The following ATOSA variants were observed in gnomAD, a reference collection of about 807,000 sequenced individuals.
The protein encoded by ATOSA is atos homolog protein A.
the ATOSA span, among the ~76,000 whole-genome samples, chr15:52,620,675 G>A: frequency 6.6e-6 from 1 of 152,308 alleles, no homozygotes; most frequent in East Asian, 1.9e-4. Context: ...CCAGCCAGGT[G>A]CAGTGGCTTA....
the ATOSA span, among the ~76,000 whole-genome samples, chr15:52,631,299 T>C: frequency 3.3e-5 from 5 of 152,178 alleles, no homozygotes; most frequent in Admixed American, 2.6e-4. Flanking sequence ...TGGTACTAGT[T>C]AGTGAAAAAT....
the ATOSA span, among the ~76,000 whole-genome samples, chr15:52,625,715 G>A: frequency 3.0e-4 from 45 of 152,080 alleles, no homozygotes; most frequent in African/African-American, 1.1e-3. Flanking sequence ...AAAAAGTTAC[G>A]TTTTTATAGT....
chr15:52,596,212 A>T, the ATOSA span, among the ~76,000 whole-genome samples: 2 of 152,202 alleles, frequency 1.3e-5, no homozygotes, highest in African/African-American at 4.8e-5. Flanking sequence ...AATTTCAGGG[A>T]TTGAAAGACT....
chr15:52,641,127 G>A, the ATOSA span, among the ~76,000 whole-genome samples: 1 of 152,192 alleles, frequency 6.6e-6, no homozygotes, highest in Non-Finnish European at 1.5e-5. Flanking sequence ...TATAAGAACT[G>A]CATTCGTAAC....
the ATOSA span, chr15:52,658,433 A>T: frequency 3.8e-6 from 1 of 262,852 alleles, no homozygotes. Flanking sequence ...TTCAGTTTAT[A>T]AAGTACTTAT....
the ATOSA span, among the ~76,000 whole-genome samples, chr15:52,628,893 G>A: frequency 6.6e-6 from 1 of 152,088 alleles, no homozygotes; most frequent in Non-Finnish European, 1.5e-5. Context: ...TCACTCAATT[G>A]TTAACAAATA....
chr15:52,609,922 G>A, the ATOSA span: 1 of 1,610,736 alleles, frequency 6.2e-7, no homozygotes, highest in Non-Finnish European at 8.5e-7. Context: ...TCTCACTGAT[G>A]TTTCTTGTGA....
At chr15:52,604,516 G>T in the ATOSA span, among the ~76,000 whole-genome samples, 1 of 152,158 alleles carries the variant, frequency 6.6e-6, no homozygotes, top group Non-Finnish European at 1.5e-5. Context: ...AAGTTTAACT[G>T]AAATGGTAGC....
At chr15:52,617,923 T>A in the ATOSA span, among the ~76,000 whole-genome samples, 1 of 152,026 alleles carries the variant, frequency 6.6e-6, no homozygotes, top group Non-Finnish European at 1.5e-5. Context: ...CTCTGCATTA[T>A]CACCTTGGAA....
At chr15:52,692,443 G>A in the ATOSA span, among the ~76,000 whole-genome samples, 1 of 151,904 alleles carries the variant, frequency 6.6e-6, no homozygotes, top group Non-Finnish European at 1.5e-5. Context: ...TGCAACCTCT[G>A]CTTCCCAGGC....
At chr15:52,584,756 G>C in the ATOSA span, 1 of 1,613,180 alleles carries the variant, frequency 6.2e-7, no homozygotes, top group Non-Finnish European at 8.5e-7. Flanking sequence ...TCAGATGTAT[G>C]AGGTAGCGTA....
At chr15:52,601,529 GAAAA>G in the ATOSA span, among the ~76,000 whole-genome samples, 83 of 112,904 alleles carry the variant, frequency 7.4e-4, no homozygotes, top group African/African-American at 2.5e-3. Context: ...ACTTAAAAAG[GAAAA>G]AAAAAAAAAA....
At chr15:52,705,787 C>T in the ATOSA span, among the ~76,000 whole-genome samples, 5 of 152,144 alleles carry the variant, frequency 3.3e-5, no homozygotes, top group Non-Finnish European at 7.4e-5. Context: ...AATCACTATT[C>T]TCATTTCCAT....
chr15:52,691,966 G>A, the ATOSA span, among the ~76,000 whole-genome samples: 1 of 152,108 alleles, frequency 6.6e-6, no homozygotes, highest in Admixed American at 6.5e-5. Context: ...AACAGATCAT[G>A]CCTTTTTTTT....
the ATOSA span, among the ~76,000 whole-genome samples, chr15:52,631,493 C>A: frequency 6.6e-6 from 1 of 152,142 alleles, no homozygotes; most frequent in African/African-American, 2.4e-5. Context: ...CAATATTCAA[C>A]TTACAATATT....
the ATOSA span, among the ~76,000 whole-genome samples, chr15:52,597,802 A>G: frequency 6.6e-6 from 1 of 152,124 alleles, no homozygotes; most frequent in South Asian, 2.1e-4. Context: ...CATATGTAAA[A>G]TGTGAATTGT....
chr15:52,618,555 T>C, the ATOSA span, among the ~76,000 whole-genome samples: 9 of 152,214 alleles, frequency 5.9e-5, no homozygotes, highest in African/African-American at 2.2e-4. Flanking sequence ...CTCTATGACT[T>C]GTTATCCTTA....
chr15:52,684,400 G>A, the ATOSA span, among the ~76,000 whole-genome samples: 1 of 152,152 alleles, frequency 6.6e-6, no homozygotes, highest in Non-Finnish European at 1.5e-5. Flanking sequence ...AGCCAGGCAC[G>A]ATGGCATGAA....
the ATOSA span, among the ~76,000 whole-genome samples, chr15:52,604,735 G>A: frequency 9.0e-3 from 1,372 of 152,294 alleles, 30 homozygotes; most frequent in African/African-American, 0.032. Flanking sequence ...TAGTAATTGA[G>A]GAGTGGAGAG....
Sources: allele counts gnomAD v4.1 joint callset (sites outside exome capture counted in the v4.1 genomes callset), GRCh38; gene constraint gnomAD v4.1.1; transcripts MANE v1.5; gene names NCBI Gene and HGNC (gene_info 2026-07-23, HGNC 2026-07-21).